The following COG6 variants were observed in gnomAD, a reference collection of about 807,000 sequenced individuals.
COG6 encodes component of oligomeric golgi complex 6.
In COG6, 74 loss-of-function variants were observed where a neutral mutation model predicts 88.8. The observed-to-expected ratio is 0.83, with a 90% CI of 0.69 to 1.01. The LOEUF is 1.01. Ranked by LOEUF, COG6 falls within the 50% of genes least tolerant of loss-of-function variation. The probability of loss-of-function intolerance (pLI) is 0.00; values close to 1 mark genes in which losing one functional copy is unlikely to be tolerated. For synonymous variants in COG6, 286 were observed against 278.7 expected, an observed-to-expected ratio of 1.03 and a Z score of -0.26; for missense variants, 800 against 797.9, an observed-to-expected ratio of 1.00 and a Z score of -0.03.
chr13:39,724,567 TG>T lies in COG6; in HGVS notation c.1746+7del. On this transcript the variant is annotated splice_region_variant and intron_variant, in intron 17 of 18. Transcript: ENST00000455146. ...TGACACTGAAGGCTGCAATGGTAAG[TG>T]TATAATAAAACATTTTAATTTAGAT... 6.3e-7 allele frequency: 1 copy of T among 1,586,980 alleles called. No individual in the cohort carries two copies. The highest frequency in any genetic ancestry group is 1.3e-5 in the African/African-American group (1 of 74,168).
intron 18 of COG6, among the ~76,000 whole-genome samples, chr13:39,736,066 TC>T (rs1421925472): frequency 6.6e-6 from 1 of 152,154 alleles, no homozygotes; most frequent in African/African-American, 2.4e-5. Flanking sequence ...CGGAAAGTTC[TC>T]TGTTATCCCG....
intron 13 of COG6, among the ~76,000 whole-genome samples, chr13:39,705,980 T>A (rs1313845863): frequency 2.6e-5 from 4 of 151,956 alleles, no homozygotes; most frequent in Non-Finnish European, 4.4e-5. Context: ...AAATTTTTTT[T>A]ATCTGAAATG....
intron 18 of COG6, among the ~76,000 whole-genome samples, chr13:39,732,709 G>GA (rs902218607): frequency 2.6e-5 from 4 of 151,788 alleles, no homozygotes; most frequent in East Asian, 3.8e-4. Flanking sequence ...AGCACAGATA[G>GA]AAAAAAAATT....
chr13:39,673,033 T>C (rs1172374735), intron 4 of COG6, among the ~76,000 whole-genome samples: 1 of 151,928 alleles, frequency 6.6e-6, no homozygotes, highest in Non-Finnish European at 1.5e-5. Context: ...ATATTTTCTT[T>C]GGAGAAATGT....
At chr13:39,659,127 A>G (rs1274875661) in intron 1 of COG6, among the ~76,000 whole-genome samples, 1 of 152,182 alleles carries the variant, frequency 6.6e-6, no homozygotes, top group African/African-American at 2.4e-5. Context: ...TAGTCTTTGC[A>G]ATTCCCAACA....
At chr13:39,766,151 G>C (rs1451780519) in intron 18 of COG6, among the ~76,000 whole-genome samples, 3 of 152,150 alleles carry the variant, frequency 2.0e-5, no homozygotes, top group Non-Finnish European at 4.4e-5. Context: ...CCATCTGCCT[G>C]TCAGTTGAGC....
At chr13:39,697,489 T>C (rs893670917) in intron 12 of COG6, among the ~76,000 whole-genome samples, 3 of 151,994 alleles carry the variant, frequency 2.0e-5, no homozygotes, top group Admixed American at 6.6e-5. Context: ...GCTTGGATTA[T>C]ATATCCTTTC....
rs114766756 is a variant in COG6 at position 39,739,851 on chromosome 13, T to C, written c.1827-11095T>C. Among the ~76,000 whole-genome samples, 392 of 152,206 alleles carry C rather than the reference T, an allele frequency of 2.6e-3. 1 individual carries two copies. Among genetic ancestry groups the C allele is most frequent in the African/African-American group, 9.0e-3 (373 of 41,554 alleles). On this transcript the variant is annotated intron_variant, in intron 18 of 18. Transcript: ENST00000455146. ...AAAACTTATTAATTTTAAATGTCTG[T>C]ACCAAAAACAAAAAAGGCAAGCAAT...
chr13:39,742,622 C>G (rs1880109229), intron 18 of COG6, among the ~76,000 whole-genome samples: 1 of 152,140 alleles, frequency 6.6e-6, no homozygotes, highest in Non-Finnish European at 1.5e-5. Context: ...TAGAGACCTA[C>G]AAAGAGGCTT....
At chr13:39,758,737 A>C (rs3012152) in intron 18 of COG6, among the ~76,000 whole-genome samples, 22 of 152,340 alleles carry the variant, frequency 1.4e-4, no homozygotes, top group African/African-American at 5.3e-4. Flanking sequence ...CTTTTACCCA[A>C]GATAATTGAA....
intron 11 of COG6, among the ~76,000 whole-genome samples, chr13:39,692,961 T>G (rs1446523422): frequency 1.3e-5 from 2 of 152,064 alleles, no homozygotes; most frequent in Non-Finnish European, 2.9e-5. Flanking sequence ...CAGTTGCTGC[T>G]ACCACCACTC....
chr13:39,749,047 CATTG>C (rs1427769141), intron 18 of COG6, among the ~76,000 whole-genome samples: 2 of 152,158 alleles, frequency 1.3e-5, no homozygotes, highest in African/African-American at 4.8e-5. Context: ...GACTTCATGA[CATTG>C]ACCTGTGTGA....
chr13:39,754,076 C>T (rs749801815), downstream of COG6, among the ~76,000 whole-genome samples: 133 of 152,212 alleles, frequency 8.7e-4, no homozygotes, highest in Non-Finnish European at 7.1e-4. Flanking sequence ...TCTATCCTTT[C>T]CAGTCTTCCA....
At chr13:39,723,203 T>C in intron 15 of COG6, 130 bp from the exon 16 acceptor site, 3 of 666,798 alleles carry the variant, frequency 4.5e-6, no homozygotes, top group Non-Finnish European at 8.2e-6. Context: ...ACTTACTGTT[T>C]GGGGGAAGAA....
At chr13:39,720,663 ATC>A in intron 15 of COG6, among the ~76,000 whole-genome samples, 1 of 152,078 alleles carries the variant, frequency 6.6e-6, no homozygotes, top group East Asian at 1.9e-4. Flanking sequence ...CACCCCCAAC[ATC>A]TCTTTCTCAT....
intron 4 of COG6, among the ~76,000 whole-genome samples, chr13:39,671,675 C>T (rs1185123007): frequency 6.6e-6 from 1 of 151,908 alleles, no homozygotes; most frequent in African/African-American, 2.4e-5. Context: ...CATGCATGTA[C>T]ATGTTCCTTG....
chr13:39,746,563 A>G (rs1880363425), intron 18 of COG6, among the ~76,000 whole-genome samples: 1 of 152,212 alleles, frequency 6.6e-6, no homozygotes, highest in African/African-American at 2.4e-5. Flanking sequence ...TTAGTCATAG[A>G]ATCCTTGAAA....
chr13:39,743,792 C>T (rs576845118), intron 18 of COG6, among the ~76,000 whole-genome samples: 4 of 152,158 alleles, frequency 2.6e-5, no homozygotes, highest in South Asian at 4.2e-4. Context: ...CTGGCAGAGA[C>T]ACAACAAAAA....
chr13:39,743,640 G>T (rs1880172901), intron 18 of COG6, among the ~76,000 whole-genome samples: 1 of 152,054 alleles, frequency 6.6e-6, no homozygotes, highest in Non-Finnish European at 1.5e-5. Flanking sequence ...AAAAGTCCAG[G>T]ACCAGATGGA....
Sources: gnomAD v4.1 joint callset for allele counts (sites outside exome capture counted in the v4.1 genomes callset) on GRCh38, gnomAD v4.1.1 for gene constraint, MANE v1.5 for transcripts, NCBI Gene and HGNC (gene_info 2026-07-23, HGNC 2026-07-21) for gene names.